The following TMED10 variants were observed in gnomAD, a reference collection of about 807,000 sequenced individuals.
TMED10 encodes the protein transmembrane p24 trafficking protein 10, also known as transmembrane emp24 domain-containing protein 10.
Under a neutral mutation model 23.1 loss-of-function variants are expected in TMED10, and 7 were observed. That is an observed-to-expected ratio of 0.30 (90% CI 0.17 to 0.57). TMED10 has a LOEUF of 0.57. TMED10 is among the 20% of genes least tolerant of loss of function. The pLI, the probability that TMED10 is intolerant of heterozygous loss-of-function variation, is 0.91. For missense variants in TMED10, 162 were observed against 274.8 expected (o/e 0.59, Z 2.90); for synonymous variants, 113 against 106.9 (o/e 1.06, Z -0.35).
At chr14:75,165,659 A>G (rs1896151709) in intron 1 of TMED10, among the ~76,000 whole-genome samples, 1 of 152,244 alleles carries the variant, frequency 6.6e-6, no homozygotes, top group Non-Finnish European at 1.5e-5. Flanking sequence ...TACAAAGTCT[A>G]TCAAATATAT....
chr14:75,151,880 TAA>T (rs1376393916), intron 2 of TMED10, 150 bp downstream of exon 2: 1 of 650,364 alleles, frequency 1.5e-6, no homozygotes, highest in Non-Finnish European at 2.5e-6. Flanking sequence ...GTCGACCTTT[TAA>T]AAGGTGCTCC....
At chr14:75,138,493 G>A (rs1350734339) in intron 3 of TMED10, among the ~76,000 whole-genome samples, 2 of 152,088 alleles carry the variant, frequency 1.3e-5, no homozygotes, top group South Asian at 2.1e-4. Context: ...CATTAACCCA[G>A]AATATATATC....
chr14:75,164,557 ATATATATATATATATATATATTT>A (rs1450655651), intron 1 of TMED10, among the ~76,000 whole-genome samples: 271 of 14,840 alleles, frequency 0.018, 13 homozygotes, highest in African/African-American at 0.073. Flanking sequence ...ATATATATAT[ATATATATATATATATATATATTT>A]TTTTTTTTTT....
At chr14:75,158,008 CTCTT>C (rs1896041388) in intron 1 of TMED10, among the ~76,000 whole-genome samples, 1 of 152,094 alleles carries the variant, frequency 6.6e-6, no homozygotes, top group Non-Finnish European at 1.5e-5. Flanking sequence ...AAAACCCACT[CTCTT>C]TCTGCATCCC....
intron 3 of TMED10, among the ~76,000 whole-genome samples, chr14:75,138,024 A>G (rs1283968294): frequency 1.3e-5 from 2 of 152,088 alleles, no homozygotes; most frequent in Non-Finnish European, 2.9e-5. Flanking sequence ...AATTCTGTTT[A>G]TATATCTGCT....
chr14:75,175,010 A>C (rs1896284873), intron 1 of TMED10, among the ~76,000 whole-genome samples: 1 of 142,774 alleles, frequency 7.0e-6, no homozygotes, highest in South Asian at 2.3e-4. Context: ...ACAGCACTCC[A>C]GCCTGGACGA....
At chr14:75,166,535 T>A (rs1421516755) in intron 1 of TMED10, among the ~76,000 whole-genome samples, 4 of 152,176 alleles carry the variant, frequency 2.6e-5, no homozygotes, top group Admixed American at 6.5e-5. Flanking sequence ...GTGTAGCAAT[T>A]TCAAACTGGA....
At chr14:75,153,765 A>AT (rs1345883312) in intron 1 of TMED10, among the ~76,000 whole-genome samples, 16 of 107,708 alleles carry the variant, frequency 1.5e-4, no homozygotes, top group East Asian at 1.4e-3. Flanking sequence ...GAGACTTTCT[A>AT]TTTTTTTTTC....
In TMED10 at chr14:75,135,840, C is replaced by T. The variant is rs1440215265; in HGVS notation, c.458G>A (p.Arg153His). 4.3e-6 allele frequency: 7 copies of T among 1,614,010 alleles called. No homozygotes were observed. The highest frequency in any genetic ancestry group is 4.0e-5 in the African/African-American group (3 of 74,934). ...AATAGATTCTGAAAGGTCTTCTAGG[C>T]GTCGCAGCTCTACCTCTAATGGTTT... ...KLKPLEVELR[R>H]LEDLSESIVN... The change falls in exon 4 of 5, where the codon CGC (arginine) becomes CAC (histidine). Residue 153 changes from arginine to histidine, a missense_variant. This residue lies in a region of TMED10 where 126 missense variants were observed against 239.5 expected (regional missense o/e 0.53). Transcript: ENST00000303575.
chr14:75,158,925 AAAAT>A (rs552086877), intron 1 of TMED10, among the ~76,000 whole-genome samples: 67 of 152,122 alleles, frequency 4.4e-4, no homozygotes, highest in African/African-American at 1.4e-3. Flanking sequence ...ATTCCGTTTC[AAAAT>A]AAATAAATAA....
At chr14:75,140,478 C>T (rs774172713) in intron 3 of TMED10, among the ~76,000 whole-genome samples, 2 of 151,984 alleles carry the variant, frequency 1.3e-5, no homozygotes, top group African/African-American at 2.4e-5. Context: ...GAGGCTGAAG[C>T]GGATGGATCA....
At chr14:75,176,260 C>G in intron 1 of TMED10, 95 bp downstream of exon 1, 1 of 1,485,700 alleles carries the variant, frequency 6.7e-7, no homozygotes, top group Non-Finnish European at 9.2e-7. Flanking sequence ...AGAACAACTC[C>G]CAGGCCTCCG....
intron 3 of TMED10, among the ~76,000 whole-genome samples, chr14:75,142,541 G>A (rs1049128298): frequency 1.3e-5 from 2 of 152,138 alleles, no homozygotes; most frequent in Non-Finnish European, 2.9e-5. Flanking sequence ...TGTCCACACT[G>A]TCTTCCCTGA....
chr14:75,169,658 C>CA (rs1048428044), intron 1 of TMED10, among the ~76,000 whole-genome samples: 4 of 151,792 alleles, frequency 2.6e-5, no homozygotes, highest in Non-Finnish European at 2.9e-5. Context: ...AACTCCATCT[C>CA]AAAAAAAAGA....
intron 1 of TMED10, among the ~76,000 whole-genome samples, chr14:75,175,236 A>G (rs1896288786): frequency 6.6e-6 from 1 of 152,084 alleles, no homozygotes; most frequent in African/African-American, 2.4e-5. Context: ...TAGCTACAAA[A>G]CAGAATCAAA....
intron 1 of TMED10, among the ~76,000 whole-genome samples, chr14:75,160,390 AAAAAT>A (rs1377975698): frequency 2.0e-5 from 3 of 152,064 alleles, no homozygotes; most frequent in African/African-American, 4.8e-5. Flanking sequence ...AATAGGCTAA[AAAAAT>A]AAAATGATAG....
intron 1 of TMED10, among the ~76,000 whole-genome samples, chr14:75,173,388 G>A (rs1044108091): frequency 2.6e-5 from 4 of 151,208 alleles, no homozygotes; most frequent in Admixed American, 2.6e-4. Flanking sequence ...AGAAAGGAAG[G>A]AAGGGAAGGA....
intron 1 of TMED10, among the ~76,000 whole-genome samples, chr14:75,154,093 C>T (rs369248580): frequency 4.9e-4 from 73 of 149,144 alleles, no homozygotes; most frequent in Non-Finnish European, 8.9e-4. Flanking sequence ...GACATGTAGC[C>T]GGGCGTGGTA....
chr14:75,135,975 T>G, intron 3 of TMED10, 89 bp from the exon 4 acceptor site: 1 of 1,536,002 alleles, frequency 6.5e-7, no homozygotes, highest in African/African-American at 1.4e-5. Context: ...TTTTTTAAAG[T>G]TTCACCAGAT....
Sources: allele counts gnomAD v4.1 joint callset (sites outside exome capture counted in the v4.1 genomes callset), GRCh38; gene constraint gnomAD v4.1.1; regional missense constraint gnomAD v4.1.1; transcripts MANE v1.5; gene names NCBI Gene and HGNC (gene_info 2026-07-23, HGNC 2026-07-21).